Variants in PPP1R12B observed in about 807,000 individuals in gnomAD.
PPP1R12B encodes the protein protein phosphatase 1 regulatory subunit 12B.
A neutral mutation model predicts 126.1 loss-of-function variants in PPP1R12B; 76 were observed. The ratio of observed to expected loss-of-function variants is 0.60; its 90% CI spans 0.50 to 0.73. PPP1R12B has a LOEUF of 0.73. PPP1R12B is among the 30% of genes least tolerant of loss of function. The pLI is 0.00. For synonymous variants in PPP1R12B, 356 were observed against 434.7 expected, an observed-to-expected ratio of 0.82 and a Z score of 2.25; for missense variants, 1,052 against 1,205.1, an observed-to-expected ratio of 0.87 and a Z score of 1.88.
intron 1 of PPP1R12B, among the ~76,000 whole-genome samples, chr1:202,391,251 C>G (rs1664114228): frequency 6.6e-6 from 1 of 151,698 alleles, no homozygotes; most frequent in African/African-American, 2.4e-5. Context: ...AAGGAAGATA[C>G]ACAAATGACC....
intron 18 of PPP1R12B, among the ~76,000 whole-genome samples, chr1:202,535,099 C>A (rs1246659802): frequency 6.6e-6 from 1 of 150,880 alleles, no homozygotes; most frequent in Non-Finnish European, 1.5e-5. Flanking sequence ...AACCATATAA[C>A]AACTCTGTAA....
At chr1:202,440,938 A>G (rs1428086854) in intron 11 of PPP1R12B, 150 bp downstream of exon 11, 2 of 608,544 alleles carry the variant, frequency 3.3e-6, no homozygotes, top group Admixed American at 6.1e-5. Flanking sequence ...ACACCTCTCA[A>G]CTCTTATATC....
Position 202,591,233 on chromosome 1 carries a change from A to C in PPP1R12B, c.*10673A>C, listed in dbSNP as rs1260587602. On this transcript the variant is annotated 3_prime_UTR_variant, in exon 24 of 24. Coordinates refer to ENST00000608999, the MANE Select transcript of PPP1R12B (RefSeq NM_002481.4). ...ACTTCTGTTGTGGTTTGTGCAGGGC[A>C]AGCCTGCCTCGCCACCTCTGGCCTC... 3 of 152,430 alleles carry C rather than the reference A, an allele frequency of 2.0e-5. No individual in the cohort carries two copies. The highest frequency in any genetic ancestry group is 4.4e-5 in the Non-Finnish European group (3 of 68,202). 9.4% of individuals were successfully genotyped at this position (152,430 alleles called of 1,614,324 possible).
At chr1:202,420,261 C>G (rs1668578355) in intron 2 of PPP1R12B, among the ~76,000 whole-genome samples, 1 of 152,080 alleles carries the variant, frequency 6.6e-6, no homozygotes, top group Non-Finnish European at 1.5e-5. Flanking sequence ...TAAGTCATGA[C>G]TGAGGTCTAG....
At chr1:202,520,542 C>T (rs1392750383) in intron 18 of PPP1R12B, among the ~76,000 whole-genome samples, 2 of 152,200 alleles carry the variant, frequency 1.3e-5, no homozygotes, top group East Asian at 1.9e-4. Flanking sequence ...AGTCATCTTC[C>T]TTCCATTTCT....
chr1:202,398,452 C>T (rs1665326964), intron 1 of PPP1R12B, among the ~76,000 whole-genome samples: 1 of 152,214 alleles, frequency 6.6e-6, no homozygotes, highest in Admixed American at 6.5e-5. Context: ...GTTATTATAG[C>T]ATTCATTGAT....
chr1:202,388,599 A>G (rs898668940), intron 1 of PPP1R12B, among the ~76,000 whole-genome samples: 41 of 152,210 alleles, frequency 2.7e-4, no homozygotes, highest in Non-Finnish European at 5.4e-4. Context: ...ATAGTATTGT[A>G]TCATCTCTCT....
chr1:202,394,645 T>G (rs1208379048), intron 1 of PPP1R12B, among the ~76,000 whole-genome samples: 2 of 151,644 alleles, frequency 1.3e-5, no homozygotes, highest in Non-Finnish European at 2.9e-5. Context: ...TCCTAGCTGC[T>G]CAGGAGGCTG....
At chr1:202,520,583 A>G (rs940336216) in intron 18 of PPP1R12B, among the ~76,000 whole-genome samples, 1 of 152,190 alleles carries the variant, frequency 6.6e-6, no homozygotes, top group African/African-American at 2.4e-5. Context: ...ATTTATTTCA[A>G]TGTAAACAAA....
At position 202,427,060 on chromosome 1, in the gene PPP1R12B, A is replaced by G. The variant is rs138590457; in HGVS notation, c.722A>G (p.Tyr241Cys). Residue 241 changes from tyrosine (Y) to cysteine (C), a missense_variant, in exon 5 of 24, where the codon TAT (tyrosine) becomes TGT (cysteine). Coordinates refer to ENST00000608999, the MANE Select transcript of PPP1R12B (RefSeq NM_002481.4). ...EVLRLLIQAG[Y>C]ELNVQDYDGW... is the part of the protein sequence containing the mutation. ...TTTAGACTTTTAATTCAGGCTGGCTATGAACTCAATGTTCAGGATTATGAT... is the reference window on the plus strand; with the variant it reads ...TTTAGACTTTTAATTCAGGCTGGCTGTGAACTCAATGTTCAGGATTATGAT... 663 of 1,613,102 alleles carry G rather than the reference A, an allele frequency of 4.1e-4. 4 individuals carry two copies. The African/African-American group carries it at 8.1e-3, about 20-fold the overall frequency.
intron 12 of PPP1R12B, among the ~76,000 whole-genome samples, chr1:202,445,629 C>A (rs761728158): frequency 4.6e-5 from 7 of 152,152 alleles, no homozygotes; most frequent in Non-Finnish European, 1.0e-4. Context: ...AAATGACATG[C>A]AAACCCAAAT....
intron 18 of PPP1R12B, among the ~76,000 whole-genome samples, chr1:202,530,337 C>T (rs1326884989): frequency 6.6e-6 from 1 of 152,138 alleles, no homozygotes; most frequent in East Asian, 1.9e-4. Context: ...CCTTCCCCTC[C>T]CCGTGACAAA....
chr1:202,492,071 CTCTA>C (rs1186461249), intron 14 of PPP1R12B, among the ~76,000 whole-genome samples: 3 of 152,194 alleles, frequency 2.0e-5, no homozygotes, highest in African/African-American at 7.2e-5. Flanking sequence ...TACAAGATCC[CTCTA>C]TCTATAATGC....
chr1:202,537,125 G>A (rs933495966), intron 18 of PPP1R12B, among the ~76,000 whole-genome samples: 3 of 152,240 alleles, frequency 2.0e-5, no homozygotes, highest in South Asian at 4.1e-4. Context: ...GAGACGGGCC[G>A]ATCACAAGGT....
chr1:202,570,660 C>T (rs780464126), intron 23 of PPP1R12B, among the ~76,000 whole-genome samples: 4 of 152,060 alleles, frequency 2.6e-5, no homozygotes, highest in South Asian at 2.1e-4. Context: ...TATTCTCTCC[C>T]GCTTAGAGCA....
At chr1:202,544,400 A>AGT (rs1685444891) in intron 18 of PPP1R12B, among the ~76,000 whole-genome samples, 2 of 152,214 alleles carry the variant, frequency 1.3e-5, no homozygotes, top group Admixed American at 6.5e-5. Flanking sequence ...AGTAAGAGCC[A>AGT]GGTAATCTTT....
At chr1:202,555,128 T>G (rs566036184) in intron 18 of PPP1R12B, among the ~76,000 whole-genome samples, 1 of 151,972 alleles carries the variant, frequency 6.6e-6, no homozygotes, top group African/African-American at 2.4e-5. Flanking sequence ...TCAGTGAAGG[T>G]CATACAGTAT....
At chr1:202,428,510 T>C in intron 5 of PPP1R12B, 1 of 203,994 alleles carries the variant, frequency 4.9e-6, no homozygotes, top group South Asian at 8.7e-5. Context: ...CTCTGAAGTT[T>C]TGAAGAGCCC....
chr1:202,411,586 C>G (rs1667393894), intron 1 of PPP1R12B, among the ~76,000 whole-genome samples: 1 of 151,356 alleles, frequency 6.6e-6, no homozygotes, highest in Non-Finnish European at 1.5e-5. Context: ...GGACTAAGTA[C>G]TTTTTGTTTT....
Sources: gnomAD v4.1 joint callset for allele counts (sites outside exome capture counted in the v4.1 genomes callset) on GRCh38, gnomAD v4.1.1 for gene constraint, MANE v1.5 for transcripts, NCBI Gene and HGNC (gene_info 2026-07-23, HGNC 2026-07-21) for gene names.